The following C1GALT1 variants were observed in gnomAD, a reference collection of about 807,000 sequenced individuals.
C1GALT1 encodes the protein core 1 synthase, glycoprotein-N-acetylgalactosamine 3-beta-galactosyltransferase 1, also known as glycoprotein-N-acetylgalactosamine 3-beta-galactosyltransferase 1.
In C1GALT1, 11 loss-of-function variants were observed where a neutral mutation model predicts 31.0. The observed-to-expected ratio is 0.36, with a 90% CI of 0.22 to 0.59. The LOEUF is 0.59. Among genes scored for constraint, C1GALT1 ranks in the 20% least tolerant of loss-of-function variants. The pLI, the probability that C1GALT1 is intolerant of heterozygous loss-of-function variation, is 0.79. For missense variants in C1GALT1, 424 were observed against 425.2 expected, an observed-to-expected ratio of 1.00 and a Z score of 0.03; for synonymous variants, 175 against 143.6, an observed-to-expected ratio of 1.22 and a Z score of -1.56.
chr7:7,192,318 A>G (rs967215211), intron 1 of C1GALT1, among the ~76,000 whole-genome samples: 4 of 152,010 alleles, frequency 2.6e-5, no homozygotes, highest in Admixed American at 6.6e-5. Flanking sequence ...TCAAGTTCCC[A>G]AAGTCCATTG....
intron 1 of C1GALT1, among the ~76,000 whole-genome samples, chr7:7,221,037 A>G (rs1488600910): frequency 3.3e-5 from 5 of 152,138 alleles, no homozygotes; most frequent in Non-Finnish European, 5.9e-5. Flanking sequence ...CTGAGGTTTC[A>G]TGATATGTCT....
At chr7:7,226,165 G>A (rs2128244929) in intron 1 of C1GALT1, among the ~76,000 whole-genome samples, 1 of 152,242 alleles carries the variant, frequency 6.6e-6, no homozygotes. Flanking sequence ...AATGTAAGGT[G>A]TGTGACTGTA....
intron 2 of C1GALT1, chr7:7,235,271 C>T (rs1783284126): frequency 6.6e-6 from 1 of 152,084 alleles, no homozygotes; most frequent in African/African-American, 2.4e-5. Context: ...AGCTTGAAAA[C>T]AATTGGAATT....
rs80014530 is a variant in C1GALT1, at chr7:7,206,152, A to G, written c.-18+23332A>G. On this transcript the variant is annotated intron_variant, in intron 1 of 3. Coordinates refer to ENST00000436587, the MANE Select transcript of C1GALT1 (RefSeq NM_020156.5). ...CACCACTTATTGATGTTGCAGAATT[A>G]TATCTTTATACATTGTGTGTCAAAA... Among the ~76,000 whole-genome samples, 677 of 152,318 alleles carry G rather than the reference A, an allele frequency of 4.4e-3. 38 individuals are homozygous for G. The East Asian group carries it at 0.12, about 27-fold the overall frequency.
At chr7:7,176,520 AGTAACCCCAGGG>A in intron 2 of C1GALT1, among the ~76,000 whole-genome samples, 1 of 152,242 alleles carries the variant, frequency 6.6e-6, no homozygotes, top group South Asian at 2.1e-4. Flanking sequence ...AGGAACAAAG[AGTAACCCCAGGG>A]ATTCTAGCCT....
intron 2 of C1GALT1, among the ~76,000 whole-genome samples, chr7:7,170,586 C>A (rs1780442760): frequency 6.6e-6 from 1 of 152,150 alleles, no homozygotes; most frequent in African/African-American, 2.4e-5. Context: ...AGTTTGAGAC[C>A]AGCCTGGCCA....
chr7:7,167,679 T>C (rs1780412999), intron 2 of C1GALT1, among the ~76,000 whole-genome samples: 1 of 152,092 alleles, frequency 6.6e-6, no homozygotes, highest in South Asian at 2.1e-4. Flanking sequence ...TCCTTGGACA[T>C]TCCAATTCAC....
chr7:7,195,922 T>C (rs1331981318), intron 1 of C1GALT1, among the ~76,000 whole-genome samples: 4 of 152,186 alleles, frequency 2.6e-5, no homozygotes, highest in African/African-American at 9.7e-5. Context: ...CATGATATAA[T>C]GTCTCTCTTT....
intron 1 of C1GALT1, among the ~76,000 whole-genome samples, chr7:7,185,225 G>A (rs546260656): frequency 6.6e-6 from 1 of 152,138 alleles, no homozygotes. Flanking sequence ...TTGAAGGGGC[G>A]TGTTGGGGGC....
chr7:7,238,479 A>G lies in C1GALT1; in HGVS notation c.445A>G (p.Lys149Glu). Residue 149 changes from lysine to glutamate, a missense_variant, in exon 3 of 4, where the codon AAA becomes GAA. Lys to Glu is a moderately conservative substitution (Grantham distance 56). Coordinates refer to ENST00000436587, the MANE Select transcript of C1GALT1 (RefSeq NM_020156.5). The surrounding 1 kb of genome is among the most constrained non-coding windows in gnomAD (Gnocchi z 5.2). ...AGATCAACTATACTGGAAAACAATT[A>G]AAGCTTTTCAGTATGTTCATGAACA... ...GRDQLYWKTI[K>E]AFQYVHEHYL... is the part of the protein sequence containing the mutation. 1 of 1,613,978 alleles carries G rather than the reference A, an allele frequency of 6.2e-7. No homozygotes were observed.
At chr7:7,226,503 G>A (rs1782766152) in intron 1 of C1GALT1, among the ~76,000 whole-genome samples, 1 of 152,146 alleles carries the variant, frequency 6.6e-6, no homozygotes, top group South Asian at 2.1e-4. Flanking sequence ...TCTTGAACTG[G>A]TGGAGTGGCT....
chr7:7,217,069 G>C (rs1782278089), intron 1 of C1GALT1, among the ~76,000 whole-genome samples: 1 of 152,162 alleles, frequency 6.6e-6, no homozygotes, highest in African/African-American at 2.4e-5. Context: ...TTATAGGACA[G>C]ATTTAAAGTT....
chr7:7,203,971 C>T (rs1781623250), intron 1 of C1GALT1, among the ~76,000 whole-genome samples: 1 of 152,022 alleles, frequency 6.6e-6, no homozygotes, highest in Non-Finnish European at 1.5e-5. Flanking sequence ...CCTATGCCTC[C>T]CTTCCCCTTC....
intron 1 of C1GALT1, among the ~76,000 whole-genome samples, chr7:7,232,416 G>A (rs1210294591): frequency 6.6e-6 from 1 of 151,502 alleles, no homozygotes; most frequent in African/African-American, 2.4e-5. Flanking sequence ...TACTTTCACT[G>A]CCCATTGCCC....
At position 7,227,044 on chromosome 7, in the gene C1GALT1, CCTTT is replaced by C. The variant is rs770336744; in HGVS notation, c.-17-7256_-17-7253del. ...AGCTTATTTAATGAGCCCTCCAACT[CCTTT>C]CTGTTTTTTTGTAAACTTTTCTTAA... On this transcript the variant is annotated intron_variant, in intron 1 of 3. Coordinates refer to ENST00000436587, the MANE Select transcript of C1GALT1 (RefSeq NM_020156.5). Among the ~76,000 whole-genome samples, 29 of 152,194 alleles carry C rather than the reference CCTTT, an allele frequency of 1.9e-4. No individual in the cohort carries two copies. The South Asian group carries it at 2.5e-3, about 13-fold the overall frequency.
intron 1 of C1GALT1, among the ~76,000 whole-genome samples, chr7:7,220,279 C>T (rs1782451699): frequency 6.6e-6 from 1 of 152,182 alleles, no homozygotes; most frequent in Non-Finnish European, 1.5e-5. Flanking sequence ...ATATCCTTTT[C>T]AATGAATAAT....
rs1271150063 is a variant in C1GALT1, at chr7:7,238,091, A to T, written c.221-164A>T. On this transcript the variant is annotated intron_variant, in intron 2 of 3. Transcript: ENST00000436587. The surrounding 1 kb of genome is among the most constrained non-coding windows in gnomAD (Gnocchi z 5.2). The stretch of plus-strand genomic sequence containing the variant: ...CACTGACATGAAACCAATAAATCAG[A>T]GTGTCAGTTCACATTAGGATGAGTT... Among the ~76,000 whole-genome samples the T allele has an allele frequency of 6.6e-6, 1 of 152,220 alleles. No homozygotes were observed. The highest frequency in any genetic ancestry group is 1.5e-5 in the Non-Finnish European group (1 of 68,034).
chr7:7,238,267 A>G lies in C1GALT1; in HGVS notation c.233A>G (p.Asp78Gly), dbSNP rs754178446. Residue 78 changes from aspartate (D) to glycine (G), a missense_variant, in exon 3 of 4, where the codon GAC becomes GGC. By Grantham distance (94) the Asp-to-Gly change is moderately conservative. Coordinates refer to ENST00000436587, the MANE Select transcript of C1GALT1 (RefSeq NM_020156.5). The surrounding 1 kb of genome is among the most constrained non-coding windows in gnomAD (Gnocchi z 5.2). ...TTTTGTTTAATAGATGAGAACACAG[A>G]CATTGCTGAAAACCTCTATCAGAAA... is the stretch of plus-strand genomic sequence containing the variant. Reference protein sequence around the residue: ...DSSQHKDENTDIAENLYQKVR... With the variant: ...DSSQHKDENTGIAENLYQKVR... 3 of 1,599,888 alleles carry G rather than the reference A, an allele frequency of 1.9e-6. No homozygotes were observed. Among genetic ancestry groups the G allele is most frequent in the African/African-American group, 2.7e-5 (2 of 73,856 alleles).
rs114734135 is a variant in C1GALT1, at chr7:7,200,870, C to T, written c.-18+18050C>T. ...ATCAAGTCATTTAAGGACTTCCCTA[C>T]GCTGTTTATTCTAGGCAGCCATTCA... On this transcript the variant is annotated intron_variant, in intron 1 of 3. Transcript: ENST00000436587. 4.0e-3 allele frequency among the ~76,000 whole-genome samples: 604 copies of T among 152,316 alleles called. 6 individuals carry two copies. The highest frequency in any genetic ancestry group is 0.014 in the African/African-American group (565 of 41,572).
Sources: gnomAD v4.1 joint callset for allele counts (sites outside exome capture counted in the v4.1 genomes callset) on GRCh38, gnomAD v4.1.1 for gene constraint, Gnocchi (gnomAD v3.1) non-coding constraint, MANE v1.5 for transcripts, NCBI Gene and HGNC (gene_info 2026-07-23, HGNC 2026-07-21) for gene names.